Variants in MLLT6 observed in about 807,000 individuals in gnomAD.
MLLT6 encodes the protein MLLT6, PHD finger containing.
Under a neutral mutation model 103.0 loss-of-function variants are expected in MLLT6, and 22 were observed. The ratio of observed to expected loss-of-function variants is 0.21; its 90% confidence interval spans 0.15 to 0.31. The LOEUF (loss-of-function observed/expected upper bound fraction) is 0.31. Among genes scored for constraint, MLLT6 ranks in the 10% least tolerant of loss-of-function variants. MLLT6 has a pLI of 1.00. For missense variants in MLLT6, 1,199 were observed against 1,441.7 expected, an observed-to-expected ratio of 0.83 and a Z score of 2.73; for synonymous variants, 606 against 623.5, an observed-to-expected ratio of 0.97 and a Z score of 0.42.
At chr17:38,705,805 CCGCGCCCTCCGGA>C in intron 1 of MLLT6, 64 bp downstream of exon 1, 1 of 675,948 alleles carries the variant, frequency 1.5e-6, no homozygotes, top group South Asian at 6.8e-5. Flanking sequence ...GCGCCCCCGG[CCGCGCCCTCCGGA>C]GACCTCCTGG....
At position 38,711,832 on chromosome 17, in the gene MLLT6, A is replaced by C. The variant is rs1219777074; in HGVS notation, c.553-15A>C. ...GAGAAGAGGGTTTGCAATTTCTCTC[A>C]AATCTCTCCCGCAGAAGACATCCCG... On this transcript the variant is annotated splice_polypyrimidine_tract_variant and intron_variant, in intron 6 of 19. Transcript: ENST00000621332. 10 of 1,514,380 alleles carry C rather than the reference A, an allele frequency of 6.6e-6. No individual in the cohort carries two copies. Among genetic ancestry groups the C allele is most frequent in the Non-Finnish European group, 8.9e-6 (10 of 1,128,732 alleles). The allele number at this position is 1,514,380 out of a possible 1,614,324, so 93.8% of individuals were successfully genotyped here. A position where few individuals can be genotyped will look rare whatever the true frequency, so the allele number is the denominator to read the frequency against.
At chr17:38,714,965 T>G (rs1905275359) in intron 8 of MLLT6, among the ~76,000 whole-genome samples, 1 of 152,198 alleles carries the variant, frequency 6.6e-6, no homozygotes, top group Non-Finnish European at 1.5e-5. Flanking sequence ...GGGGACAGAA[T>G]GTCTTGTTCC....
In MLLT6 at chr17:38,721,981, TG is replaced by T; in HGVS notation, c.2548del (p.Ala850ProfsTer54). 1 of 1,489,724 alleles carries T rather than the reference TG, an allele frequency of 6.7e-7. No individual in the cohort carries two copies. The highest frequency in any genetic ancestry group is 9.0e-7 in the Non-Finnish European group (1 of 1,117,162). The allele number at this position is 1,489,724 out of a possible 1,614,324, so 92.3% of individuals were successfully genotyped here. A position where few individuals can be genotyped will look rare whatever the true frequency, so the allele number is the denominator to read the frequency against. On this transcript the variant is annotated frameshift_variant, in exon 17 of 20. Transcript: ENST00000621332. LOFTEE classifies it high-confidence loss of function. Reference sequence around the variant, plus strand: ...CAGCAGAGCCCTGCCACTCTGCCCCTGGCCCTGCCTGGGGCCCCTGCCCCAC... The same window carrying T: ...CAGCAGAGCCCTGCCACTCTGCCCCTGCCCTGCCTGGGGCCCCTGCCCCAC... ...LLQQSPATLP[L>X]ALPGAPAPLP...
Position 38,709,095 on chromosome 17 carries a change from A to G in MLLT6, c.355-78A>G. 1 of 1,031,754 alleles carries G rather than the reference A, an allele frequency of 9.7e-7. No homozygotes were observed. Among genetic ancestry groups the G allele is most frequent in the Non-Finnish European group, 1.5e-6 (1 of 681,168 alleles). 63.9% of individuals were successfully genotyped at this position (1,031,754 alleles called of 1,614,324 possible). A position where few individuals can be genotyped will look rare whatever the true frequency, so the allele number is the denominator to read the frequency against. ...ATCTAAGACTGTAGAGAGCAAATGG[A>G]ATGGAGGGGGTGGCCTAAGGACCAT... On this transcript the variant is annotated intron_variant, in intron 4 of 19. Transcript: ENST00000621332. This position sits in a 1 kb window ranked among gnomAD's most constrained non-coding sequence, Gnocchi z 4.3.
Position 38,713,089 on chromosome 17 carries a change from C to T in MLLT6, c.819+300C>T, listed in dbSNP as rs780387398. 1.1e-5 allele frequency: 8 copies of T among 748,842 alleles called. No individual in the cohort carries two copies. The South Asian group carries it at 1.1e-4, about 10-fold the overall frequency. The allele number at this position is 748,842 out of a possible 1,614,324, so 46.4% of individuals were successfully genotyped here. A position where few individuals can be genotyped will look rare whatever the true frequency, so the allele number is the denominator to read the frequency against. Reference sequence around the variant, plus strand: ...TCTGCAGAGAGTGGGGGACGGCACTCAGGCCTGCTCTCCAAGTTCTAGGGC... The same window carrying T: ...TCTGCAGAGAGTGGGGGACGGCACTTAGGCCTGCTCTCCAAGTTCTAGGGC... On this transcript the variant is annotated intron_variant, in intron 8 of 19. Transcript: ENST00000621332.
In MLLT6 at chr17:38,716,955, G is replaced by T. The variant is rs1311211716; in HGVS notation, c.1625G>T (p.Ser542Ile). ...CCTTCTGGGAGCTTGCCCAGCTTGA[G>T]CCTGGAGTCCCCCTTACTAGGGGCA... ...FGPSGSLPSL[S>I]LESPLLGAGI... The change falls in exon 10 of 20, where the codon AGC (serine) becomes ATC (isoleucine). Residue 542 changes from serine to isoleucine, a missense_variant. Ser to Ile is a moderately radical substitution (Grantham distance 142, BLOSUM62 -2). Coordinates refer to ENST00000621332, the MANE Select transcript of MLLT6 (RefSeq NM_005937.4). The surrounding 1 kb of genome is among the most constrained non-coding windows in gnomAD (Gnocchi z 5.6). 10 of 1,613,582 alleles carry T rather than the reference G, an allele frequency of 6.2e-6. No individual in the cohort carries two copies. Among genetic ancestry groups the T allele is most frequent in the Non-Finnish European group, 8.5e-6 (10 of 1,179,992 alleles).
At position 38,709,333 on chromosome 17, in the gene MLLT6, C is replaced by G; in HGVS notation, c.458+57C>G. On this transcript the variant is annotated intron_variant, in intron 5 of 19. Coordinates refer to ENST00000621332, the MANE Select transcript of MLLT6 (RefSeq NM_005937.4). This position sits in a 1 kb window ranked among gnomAD's most constrained non-coding sequence, Gnocchi z 4.3. ...GGGTTTGTCCTGGATGGCCACTGAT[C>G]AGGCTCATCCTAGCTGCTGTCCCTT... is the stretch of plus-strand genomic sequence containing the variant. 2.1e-6 allele frequency: 3 copies of G among 1,462,142 alleles called. No homozygotes were observed. The highest frequency in any genetic ancestry group is 2.9e-6 in the Non-Finnish European group (3 of 1,041,714). 90.6% of individuals were successfully genotyped at this position (1,462,142 alleles called of 1,614,324 possible).
chr17:38,728,886 C>T lies in MLLT6; in HGVS notation c.*3288C>T, dbSNP rs1429257502. 8.6e-6 allele frequency: 2 copies of T among 233,848 alleles called. No individual in the cohort carries two copies. Among genetic ancestry groups the T allele is most frequent in the Non-Finnish European group, 1.7e-5 (2 of 118,206 alleles). The allele number at this position is 233,848 out of a possible 1,614,324, so 14.5% of individuals were successfully genotyped here. On this transcript the variant is annotated 3_prime_UTR_variant, in exon 20 of 20. Coordinates refer to ENST00000621332, the MANE Select transcript of MLLT6 (RefSeq NM_005937.4). Reference sequence around the variant, plus strand: ...GGTGGATCCTCTCCATGGACAATGACACTTTAAGGATTGTCTTGGTTTGTT... The same window carrying T: ...GGTGGATCCTCTCCATGGACAATGATACTTTAAGGATTGTCTTGGTTTGTT...
At chr17:38,720,874 C>A in intron 16 of MLLT6, 127 bp downstream of exon 16, 1 of 804,494 alleles carries the variant, frequency 1.2e-6, no homozygotes, top group Non-Finnish European at 2.0e-6. Flanking sequence ...TTGATCCATT[C>A]AGTCCTCCCT....
At position 38,707,390 on chromosome 17, in the gene MLLT6, T is replaced by C. The variant is rs1331544616; in HGVS notation, c.190-96T>C. 4 of 1,214,128 alleles carry C rather than the reference T, an allele frequency of 3.3e-6. No homozygotes were observed. The African/African-American group carries it at 4.5e-5, about 14-fold the overall frequency. The allele number at this position is 1,214,128 out of a possible 1,614,324, so 75.2% of individuals were successfully genotyped here. Reference sequence around the variant, plus strand: ...CCACTGTAGCCCCATCCATCCACCCTAGAGCTTAGCATTTCAGCCTGGGAC... The same window carrying C: ...CCACTGTAGCCCCATCCATCCACCCCAGAGCTTAGCATTTCAGCCTGGGAC... On this transcript the variant is annotated intron_variant, in intron 2 of 19. Transcript: ENST00000621332.
chr17:38,716,684 C>G lies in MLLT6; in HGVS notation c.1354C>G (p.Pro452Ala). The G allele has an allele frequency of 6.2e-7, 1 of 1,613,018 alleles. No homozygotes were observed. Among genetic ancestry groups the G allele is most frequent in the Non-Finnish European group, 8.5e-7 (1 of 1,179,674 alleles). ...HKRMPALSAT[P>A]VPADETPETG... Reference sequence around the variant, plus strand: ...ACGGATGCCCGCACTGAGTGCCACCCCTGTGCCTGCTGATGAGACCCCTGA... The same window carrying G: ...ACGGATGCCCGCACTGAGTGCCACCGCTGTGCCTGCTGATGAGACCCCTGA... The change falls in exon 10 of 20, where the codon CCT becomes GCT. Residue 452 changes from proline (P) to alanine (A), a missense_variant. Physicochemically the swap from Pro to Ala is conservative, Grantham distance 27. This residue lies in a region of MLLT6 where 1,034 missense variants were observed against 1,091.5 expected (regional missense o/e 0.95). Coordinates refer to ENST00000621332, the MANE Select transcript of MLLT6 (RefSeq NM_005937.4). This position sits in a 1 kb window ranked among gnomAD's most constrained non-coding sequence, Gnocchi z 5.6.
At position 38,720,463 on chromosome 17, in the gene MLLT6, G is replaced by A. The variant is rs1389606150; in HGVS notation, c.2247G>A (p.Arg749=). The change falls in exon 15 of 20, where the codon CGG becomes CGA. Residue 749 remains arginine, a synonymous_variant. Coordinates refer to ENST00000621332, the MANE Select transcript of MLLT6 (RefSeq NM_005937.4). ...QILSLTAKKE[R]LQILNVQLSV... Reference sequence around the variant, plus strand: ...TGAGCCTGACGGCCAAAAAGGAGCGGCTGCAGATTCTCAACGTGCAGCTCT... The same window carrying A: ...TGAGCCTGACGGCCAAAAAGGAGCGACTGCAGATTCTCAACGTGCAGCTCT... The A allele has an allele frequency of 1.2e-6, 2 of 1,612,838 alleles. No homozygotes were observed. The highest frequency in any genetic ancestry group is 1.3e-5 in the African/African-American group (1 of 74,942).
In MLLT6 at chr17:38,724,470, G is replaced by T. The variant is rs1393661419; in HGVS notation, c.2884-150G>T. ...AGATGGGGAGACCCAGGCTAAGTGG[G>T]AAATGCGAGACAGTACCTTGACTGT... On this transcript the variant is annotated intron_variant, in intron 18 of 19. Coordinates refer to ENST00000621332, the MANE Select transcript of MLLT6 (RefSeq NM_005937.4). This position sits in a 1 kb window ranked among gnomAD's most constrained non-coding sequence, Gnocchi z 5.4. The T allele has an allele frequency of 3.4e-6, 2 of 591,716 alleles. No individual in the cohort carries two copies. The highest frequency in any genetic ancestry group is 3.8e-5 in the African/African-American group (2 of 52,948). 36.7% of individuals were successfully genotyped at this position (591,716 alleles called of 1,614,324 possible).
intron 18 of MLLT6, among the ~76,000 whole-genome samples, chr17:38,723,195 T>C (rs1371961197): frequency 1.3e-5 from 2 of 151,676 alleles, no homozygotes; most frequent in East Asian, 3.9e-4. Flanking sequence ...AGAAAAGGAG[T>C]TTTACTTTTT....
chr17:38,724,750 T>C lies in MLLT6; in HGVS notation c.3014T>C (p.Leu1005Pro). The change falls in exon 19 of 20, where the codon CTG becomes CCG. Residue 1005 changes from leucine (L) to proline (P), a missense_variant. By Grantham distance (98) the Leu-to-Pro change is moderately conservative. This residue lies in a region of MLLT6 where 1,034 missense variants were observed against 1,091.5 expected (regional missense o/e 0.95). Coordinates refer to ENST00000621332, the MANE Select transcript of MLLT6 (RefSeq NM_005937.4). This position sits in a 1 kb window ranked among gnomAD's most constrained non-coding sequence, Gnocchi z 5.4. ...CTGGCAGGAAGCTCCACCCCGCTGC[T>C]GTCTGCGGGTACCCCTGGCCTGCTG... ...SLLAGSSTPL[L>P]SAGTPGLLPT... The C allele has an allele frequency of 6.2e-7, 1 of 1,609,992 alleles. No homozygotes were observed. The highest frequency in any genetic ancestry group is 8.5e-7 in the Non-Finnish European group (1 of 1,178,494).
In MLLT6 at chr17:38,726,371, A is replaced by ATGTG. The variant is rs370611684; in HGVS notation, c.*801_*804dup. 0.02 allele frequency: 4,553 copies of ATGTG among 224,554 alleles called. 49 individuals are homozygous for ATGTG. The highest frequency in any genetic ancestry group is 0.054 in the South Asian group (276 of 5,158). 13.9% of individuals were successfully genotyped at this position (224,554 alleles called of 1,614,324 possible). A position where few individuals can be genotyped will look rare whatever the true frequency, so the allele number is the denominator to read the frequency against. Reference sequence around the variant, plus strand: ...AGTGTGTGAGTGTGTGTGTGCGTGCATGTGTGTGTGTGTGTGTGTGTGTGT... The same window carrying ATGTG: ...AGTGTGTGAGTGTGTGTGTGCGTGCATGTGTGTGTGTGTGTGTGTGTGTGTGTGT... On this transcript the variant is annotated 3_prime_UTR_variant, in exon 20 of 20. Coordinates refer to ENST00000621332, the MANE Select transcript of MLLT6 (RefSeq NM_005937.4).
chr17:38,711,867 C>T lies in MLLT6; in HGVS notation c.573C>T (p.Ser191=), dbSNP rs200829074. The T allele has an allele frequency of 3.0e-5, 48 of 1,581,566 alleles. No individual in the cohort carries two copies. In the Admixed American group the frequency reaches 4.2e-4, roughly 14 times the overall value. The change falls in exon 7 of 20, where the codon AGC becomes AGT. Residue 191 remains serine, a synonymous_variant. Coordinates refer to ENST00000621332, the MANE Select transcript of MLLT6 (RefSeq NM_005937.4). The part of the protein sequence containing the change: ...FSKMKTSRHS[S]GGGGGGAGGG... ...CGCAGAAGACATCCCGGCACAGCAG[C>T]GGGGGAGGCGGAGGAGGCGCTGGAG...
At chr17:38,722,859 G>GA in intron 18 of MLLT6, 91 bp downstream of exon 18, 1 of 970,408 alleles carries the variant, frequency 1.0e-6, no homozygotes, top group Non-Finnish European at 1.6e-6. Flanking sequence ...GAGAGGGCAG[G>GA]AGCAGGCAGA....
intron 16 of MLLT6, chr17:38,721,154 T>C (rs1905711144): frequency 4.5e-6 from 1 of 223,804 alleles, no homozygotes; most frequent in African/African-American, 2.3e-5. Flanking sequence ...TCACACAAAA[T>C]AATTCCTGTG....
Sources: allele counts gnomAD v4.1 joint callset (sites outside exome capture counted in the v4.1 genomes callset), GRCh38; gene constraint gnomAD v4.1.1; regional missense constraint gnomAD v4.1.1; non-coding constraint Gnocchi (gnomAD v3.1); transcripts MANE v1.5; gene names NCBI Gene and HGNC (gene_info 2026-07-23, HGNC 2026-07-21).